Variants in PSMA5 observed in about 807,000 individuals in gnomAD.
PSMA5 encodes the protein proteasome 20S subunit alpha 5.
Under a neutral mutation model 34.5 loss-of-function variants are expected in PSMA5, and 3 were observed. That is an observed-to-expected ratio of 0.09 (90% CI 0.04 to 0.22). The LOEUF is 0.22. Ranked by LOEUF, PSMA5 falls within the 10% of genes least tolerant of loss-of-function variation. The pLI is 1.00. For synonymous variants in PSMA5, 88 were observed against 95.8 expected, an observed-to-expected ratio of 0.92 and a Z score of 0.47; for missense variants, 120 against 286.1, an observed-to-expected ratio of 0.42 and a Z score of 4.19.
chr1:109,405,417 T>G (rs1653709010), intron 8 of PSMA5, among the ~76,000 whole-genome samples: 1 of 151,968 alleles, frequency 6.6e-6, no homozygotes, highest in African/African-American at 2.4e-5. Flanking sequence ...ATTTTGGAAT[T>G]TATCTCACAG....
intron 1 of PSMA5, 93 bp downstream of exon 1, chr1:109,426,209 G>GAGCCCC (rs1263635163): frequency 6.5e-7 from 1 of 1,532,584 alleles, no homozygotes; most frequent in Non-Finnish European, 9.0e-7. Context: ...GGTTCCTGGG[G>GAGCCCC]AGCCCCATGA....
At chr1:109,408,447 A>T (rs1653870140) in intron 8 of PSMA5, among the ~76,000 whole-genome samples, 1 of 152,206 alleles carries the variant, frequency 6.6e-6, no homozygotes, top group African/African-American at 2.4e-5. Flanking sequence ...CTGCTATTAT[A>T]GAAGTATCAC....
At position 109,426,357 on chromosome 1, in the gene PSMA5, A is replaced by G; in HGVS notation, c.-27T>C. On this transcript the variant is annotated 5_prime_UTR_variant, in exon 1 of 9. Transcript: ENST00000271308. ...GCGAGGGTAGGAGGAGGCAGCGGCT[A>G]CGCGGGGATTCTGAGGACCAACACG... 6.2e-7 allele frequency: 1 copy of G among 1,613,798 alleles called. No individual in the cohort carries two copies. The highest frequency in any genetic ancestry group is 1.1e-5 in the South Asian group (1 of 91,074).
chr1:109,415,103 T>C, intron 3 of PSMA5, 134 bp downstream of exon 3: 3 of 1,115,976 alleles, frequency 2.7e-6, no homozygotes, highest in Non-Finnish European at 3.7e-6. Context: ...CATTTACGCA[T>C]TCTGGCCTAC....
intron 2 of PSMA5, among the ~76,000 whole-genome samples, chr1:109,419,488 C>T (rs185029028): frequency 1.2e-4 from 18 of 151,918 alleles, no homozygotes; most frequent in East Asian, 3.9e-4. Context: ...TGCAACACAG[C>T]GAAACCCCGT....
At chr1:109,423,593 A>C (rs1487237257) in intron 1 of PSMA5, among the ~76,000 whole-genome samples, 1 of 152,160 alleles carries the variant, frequency 6.6e-6, no homozygotes, top group East Asian at 1.9e-4. Flanking sequence ...AATTGACTTC[A>C]TCTCCTGCCA....
At chr1:109,402,686 CA>C (rs1653579731) in intron 8 of PSMA5, among the ~76,000 whole-genome samples, 1 of 152,080 alleles carries the variant, frequency 6.6e-6, no homozygotes, top group Non-Finnish European at 1.5e-5. Flanking sequence ...CAAAACTTAA[CA>C]AAAAAGTTTT....
intron 2 of PSMA5, among the ~76,000 whole-genome samples, chr1:109,420,665 T>G (rs531879630): frequency 4.6e-5 from 7 of 152,330 alleles, no homozygotes; most frequent in Admixed American, 2.0e-4. Context: ...ATACTGATCT[T>G]GAATCCCTAA....
intron 2 of PSMA5, among the ~76,000 whole-genome samples, chr1:109,419,378 G>A (rs1197033642): frequency 6.6e-6 from 1 of 152,036 alleles, no homozygotes; most frequent in Admixed American, 6.5e-5. Context: ...ATTTCATTAA[G>A]AATCCTTAAT....
intron 8 of PSMA5, among the ~76,000 whole-genome samples, chr1:109,405,578 C>T (rs1653724701): frequency 6.7e-6 from 1 of 149,878 alleles, no homozygotes; most frequent in Non-Finnish European, 1.5e-5. Context: ...CCTGGGATTA[C>T]AGGCACATGT....
intron 2 of PSMA5, among the ~76,000 whole-genome samples, chr1:109,417,065 A>AT (rs934045693): frequency 6.6e-6 from 1 of 152,222 alleles, no homozygotes; most frequent in African/African-American, 2.4e-5. Context: ...AGATCACGCC[A>AT]TTGCATTCCA....
chr1:109,426,437 T>C lies in PSMA5; in HGVS notation c.-107A>G. 7.0e-7 allele frequency: 1 copy of C among 1,424,192 alleles called. No individual in the cohort carries two copies. Among genetic ancestry groups the C allele is most frequent in the Non-Finnish European group, 9.9e-7 (1 of 1,007,836 alleles). The allele number at this position is 1,424,192 out of a possible 1,614,324, so 88.2% of individuals were successfully genotyped here. A position where few individuals can be genotyped will look rare whatever the true frequency, so the allele number is the denominator to read the frequency against. ...CAACTCACCCACACGGCCGCAGTAC[T>C]AAGGACCAACTGCGCGTGCGACCGC... On this transcript the variant is annotated 5_prime_UTR_variant, in exon 1 of 9. Coordinates refer to ENST00000271308, the MANE Select transcript of PSMA5 (RefSeq NM_002790.4).
chr1:109,425,450 C>G (rs895929578), intron 1 of PSMA5: 5 of 152,006 alleles, frequency 3.3e-5, no homozygotes, highest in Non-Finnish European at 7.4e-5. Flanking sequence ...ACATCTTCTA[C>G]GAGTCAGTAA....
chr1:109,410,269 G>A (rs1653939171), intron 7 of PSMA5, among the ~76,000 whole-genome samples: 1 of 152,190 alleles, frequency 6.6e-6, no homozygotes, highest in African/African-American at 2.4e-5. Context: ...CTTTGAAGAA[G>A]GGGAAAGGGA....
Position 109,410,026 on chromosome 1 carries a change from G to A in PSMA5, c.562-12C>T, listed in dbSNP as rs752714796. On this transcript the variant is annotated splice_polypyrimidine_tract_variant and intron_variant, in intron 7 of 8. Coordinates refer to ENST00000271308, the MANE Select transcript of PSMA5 (RefSeq NM_002790.4). ...TTCAAAGTCATAGACTTGAAACAAAGAAGGCAAGAAGATGCCTATTAATTA... is the reference window on the plus strand; with the variant it reads ...TTCAAAGTCATAGACTTGAAACAAAAAAGGCAAGAAGATGCCTATTAATTA... 6.5e-7 allele frequency: 1 copy of A among 1,536,904 alleles called. No individual in the cohort carries two copies. The highest frequency in any genetic ancestry group is 2.3e-5 in the East Asian group (1 of 44,332).
In PSMA5 at chr1:109,415,498, C is replaced by T. The variant is rs1216879567; in HGVS notation, c.97-135G>A. 24 of 743,636 alleles carry T rather than the reference C, an allele frequency of 3.2e-5. 1 individual carries two copies. In the Admixed American group the frequency reaches 8.2e-4, roughly 25 times the overall value. 46.1% of individuals were successfully genotyped at this position (743,636 alleles called of 1,614,324 possible). On this transcript the variant is annotated intron_variant, in intron 2 of 8. Coordinates refer to ENST00000271308, the MANE Select transcript of PSMA5 (RefSeq NM_002790.4). ...ATCTTATAGGCAGAGAGAAGGAGCA[C>T]CCTAACATACTGTAAGTAATTAATA...
rs1051164034 is a variant in PSMA5 at position 109,420,650 on chromosome 1, A to G, written c.96+1210T>C. On this transcript the variant is annotated intron_variant, in intron 2 of 8. Coordinates refer to ENST00000271308, the MANE Select transcript of PSMA5 (RefSeq NM_002790.4). The stretch of plus-strand genomic sequence containing the variant: ...TAGTTGTTCTCTAATTGTTTTATGT[A>G]TAGTATACTGATCTTGAATCCCTAA... 2.6e-5 allele frequency among the ~76,000 whole-genome samples: 4 copies of G among 152,222 alleles called. No individual in the cohort carries two copies. The East Asian group carries it at 7.7e-4, about 29-fold the overall frequency.
At chr1:109,414,314 C>G (rs1654111961) in intron 3 of PSMA5, among the ~76,000 whole-genome samples, 1 of 152,204 alleles carries the variant, frequency 6.6e-6, no homozygotes, top group Non-Finnish European at 1.5e-5. Context: ...TTTCTGAAAG[C>G]CCCACTACCG....
rs1375280157 is a variant in PSMA5, at chr1:109,423,727, C to A, written c.30-1801G>T. Among the ~76,000 whole-genome samples the A allele has an allele frequency of 2.0e-5, 3 of 152,256 alleles. No individual in the cohort carries two copies. The East Asian group carries it at 5.8e-4, about 29-fold the overall frequency. On this transcript the variant is annotated intron_variant, in intron 1 of 8. Transcript: ENST00000271308. Reference sequence around the variant, plus strand: ...ATATCCAACTATATGCTAAGTCATACCAATTCATATCAATTCCTCCTCCAC... The same window carrying A: ...ATATCCAACTATATGCTAAGTCATAACAATTCATATCAATTCCTCCTCCAC...
Sources: gnomAD v4.1 joint callset for allele counts (sites outside exome capture counted in the v4.1 genomes callset) on GRCh38, gnomAD v4.1.1 for gene constraint, MANE v1.5 for transcripts, NCBI Gene and HGNC (gene_info 2026-07-23, HGNC 2026-07-21) for gene names.